Variants in WWOX observed in about 807,000 individuals in gnomAD.
The protein encoded by WWOX is WW domain containing oxidoreductase, also known as WW domain-containing oxidoreductase.
Under a neutral mutation model 46.2 loss-of-function variants are expected in WWOX, and 69 were observed. That is an observed-to-expected ratio of 1.49 (90% CI 1.23 to 1.82). The LOEUF (loss-of-function observed/expected upper bound fraction) is 1.82, where lower values mean the gene tolerates loss of function less well. Among genes scored for constraint, WWOX ranks in the 40% most tolerant of loss-of-function variants. The pLI, the probability that WWOX is intolerant of heterozygous loss-of-function variation, is 0.00. For missense variants in WWOX, 919 were observed against 542.6 expected, an observed-to-expected ratio of 1.69 and a Z score of -6.89; for synonymous variants, 359 against 202.6, an observed-to-expected ratio of 1.77 and a Z score of -6.56.
intron 8 of WWOX, among the ~76,000 whole-genome samples, chr16:78,913,433 A>C (rs1310355165): frequency 2.6e-5 from 4 of 151,952 alleles, no homozygotes; most frequent in African/African-American, 4.8e-5. Context: ...CCTGTCTTGC[A>C]AAACCCTCAC....
chr16:78,800,146 A>G (rs760839055), intron 8 of WWOX, among the ~76,000 whole-genome samples: 5 of 152,202 alleles, frequency 3.3e-5, no homozygotes, highest in Non-Finnish European at 5.9e-5. Context: ...GGGTTAGAAT[A>G]TCTTCAATGC....
At chr16:78,753,033 G>A (rs1176008253) in intron 8 of WWOX, among the ~76,000 whole-genome samples, 12 of 152,164 alleles carry the variant, frequency 7.9e-5, no homozygotes, top group African/African-American at 2.4e-4. Context: ...GGTAGCTCAC[G>A]CCTATAATCC....
chr16:78,295,963 G>C (rs1380078205), intron 5 of WWOX, among the ~76,000 whole-genome samples: 1 of 152,210 alleles, frequency 6.6e-6, no homozygotes, highest in Non-Finnish European at 1.5e-5. Context: ...GCAGAGTATT[G>C]ACTCATGGGG....
intron 8 of WWOX, among the ~76,000 whole-genome samples, chr16:78,599,427 T>C (rs569394648): frequency 1.4e-4 from 21 of 152,314 alleles, no homozygotes; most frequent in African/African-American, 4.8e-4. Context: ...AGCCTAAGGC[T>C]GTGGCCATGG....
intron 1 of WWOX, among the ~76,000 whole-genome samples, chr16:78,103,100 C>G (rs1248834602): frequency 1.3e-5 from 2 of 152,164 alleles, no homozygotes; most frequent in African/African-American, 4.8e-5. Context: ...TGCCTTCCTG[C>G]TGCCTGGCCT....
chr16:78,557,688 G>GGTTTTTTTTTT (rs1567642864), intron 8 of WWOX, among the ~76,000 whole-genome samples: 1 of 107,104 alleles, frequency 9.3e-6, no homozygotes, highest in Non-Finnish European at 1.8e-5. Flanking sequence ...TCTAGGGAAG[G>GGTTTTTTTTTT]ATTTTTTTTT....
At chr16:78,318,001 T>G (rs1418861360) in intron 5 of WWOX, among the ~76,000 whole-genome samples, 1 of 152,096 alleles carries the variant, frequency 6.6e-6, no homozygotes, top group East Asian at 1.9e-4. Flanking sequence ...GCTGAAAAGG[T>G]TCCACAGTAT....
chr16:78,393,406 C>T (rs1225058852), intron 6 of WWOX, among the ~76,000 whole-genome samples: 2 of 152,042 alleles, frequency 1.3e-5, no homozygotes, highest in African/African-American at 2.4e-5. Context: ...GCCTATAATC[C>T]CAGCGCTTTT....
intron 8 of WWOX, among the ~76,000 whole-genome samples, chr16:78,921,663 T>A (rs566680172): frequency 6.6e-6 from 1 of 152,266 alleles, no homozygotes; most frequent in East Asian, 1.9e-4. Context: ...AAGAGAGGAA[T>A]GGGTTCCTGG....
chr16:79,184,694 A>G (rs996945052), intron 8 of WWOX, among the ~76,000 whole-genome samples: 3 of 152,170 alleles, frequency 2.0e-5, no homozygotes, highest in African/African-American at 7.2e-5. Context: ...GACCCTGAGA[A>G]TTTTCCACCT....
chr16:78,588,388 G>A (rs550967804), intron 8 of WWOX, among the ~76,000 whole-genome samples: 2 of 152,126 alleles, frequency 1.3e-5, no homozygotes, highest in Admixed American at 1.3e-4. Flanking sequence ...ATATCTTGGG[G>A]GGCCAGGATG....
chr16:78,551,499 G>C (rs1160285976), intron 8 of WWOX: 2 of 152,174 alleles, frequency 1.3e-5, no homozygotes, highest in African/African-American at 2.4e-5. Flanking sequence ...CAGGGAGGCT[G>C]GGCTAAGGTG....
intron 6 of WWOX, among the ~76,000 whole-genome samples, chr16:78,419,991 A>T (rs543855066): frequency 1.3e-5 from 2 of 152,268 alleles, no homozygotes; most frequent in East Asian, 3.9e-4. Flanking sequence ...ATATTCCTCC[A>T]AATATGATAC....
At chr16:78,887,140 C>T (rs1440457099) in intron 8 of WWOX, among the ~76,000 whole-genome samples, 1 of 127,552 alleles carries the variant, frequency 7.8e-6, no homozygotes, top group African/African-American at 3.4e-5. Context: ...GTGTGTATAC[C>T]TAGTCTAGGG....
At chr16:78,100,809 G>A (rs34677909) in intron 1 of WWOX, among the ~76,000 whole-genome samples, 34,118 of 152,142 alleles carry the variant, frequency 0.22, 4,638 homozygotes, top group Non-Finnish European at 0.3. Flanking sequence ...AGATACGACA[G>A]TGCCTCTTAT....
intron 8 of WWOX, among the ~76,000 whole-genome samples, chr16:79,096,649 T>C (rs969510180): frequency 6.6e-6 from 1 of 152,168 alleles, no homozygotes; most frequent in Non-Finnish European, 1.5e-5. Flanking sequence ...CATATTATCA[T>C]TGCCATCAAT....
At chr16:78,112,332 C>T (rs555067923) in intron 3 of WWOX, among the ~76,000 whole-genome samples, 2 of 152,232 alleles carry the variant, frequency 1.3e-5, no homozygotes, top group East Asian at 3.9e-4. Flanking sequence ...TCATAGATAC[C>T]ACTGACACTA....
chr16:79,010,977 G>A (rs1024497328), intron 8 of WWOX, among the ~76,000 whole-genome samples: 1 of 152,032 alleles, frequency 6.6e-6, no homozygotes, highest in Non-Finnish European at 1.5e-5. Flanking sequence ...GTTTGGGCAG[G>A]CTCTGAGTAG....
chr16:78,757,571 G>A (rs889909039), intron 8 of WWOX, among the ~76,000 whole-genome samples: 14 of 152,154 alleles, frequency 9.2e-5, no homozygotes, highest in Admixed American at 3.9e-4. Context: ...TATAAGTGCC[G>A]TATTAAAGCA....
Sources: gnomAD v4.1 joint callset for allele counts (sites outside exome capture counted in the v4.1 genomes callset) on GRCh38, gnomAD v4.1.1 for gene constraint, MANE v1.5 for transcripts, NCBI Gene and HGNC (gene_info 2026-07-23, HGNC 2026-07-21) for gene names.